PTPRD: variants seen among roughly 807,000 people sequenced by gnomAD.
PTPRD encodes protein tyrosine phosphatase receptor type D.
PTPRD carries 34 observed loss-of-function variants against 214.5 expected under a neutral mutation model. The observed-to-expected ratio is 0.16, with a 90% CI of 0.12 to 0.21. The LOEUF is 0.21. Among genes scored for constraint, PTPRD ranks in the 10% least tolerant of loss-of-function variants. The pLI is 1.00. For synonymous variants in PTPRD, 1,128 were observed against 845.7 expected, an observed-to-expected ratio of 1.33 and a Z score of -5.79; for missense variants, 2,545 against 2,398.7, an observed-to-expected ratio of 1.06 and a Z score of -1.27.
chr9:9,228,072 C>T (rs2099960685), intron 9 of PTPRD, among the ~76,000 whole-genome samples: 2 of 152,108 alleles, frequency 1.3e-5, no homozygotes, highest in African/African-American at 2.4e-5. Context: ...GCTGAAATTG[C>T]TGGGCACAGT....
chr9:9,493,220 C>T (rs2096001468), intron 8 of PTPRD, among the ~76,000 whole-genome samples: 1 of 151,936 alleles, frequency 6.6e-6, no homozygotes, highest in African/African-American at 2.4e-5. Context: ...AGGTACTCTG[C>T]CTGTGCTCTA....
intron 11 of PTPRD, among the ~76,000 whole-genome samples, chr9:8,809,223 T>C (rs1464742333): frequency 2.0e-5 from 3 of 152,196 alleles, no homozygotes; most frequent in Non-Finnish European, 4.4e-5. Context: ...TGTTTTGTAA[T>C]ATCTGTATAT....
At chr9:8,497,211 G>A (rs775855275) in intron 26 of PTPRD, 31 bp downstream of exon 26, 2 of 1,565,038 alleles carry the variant, frequency 1.3e-6, no homozygotes, top group South Asian at 2.4e-5. Context: ...TATATAGTCT[G>A]CTTTTGACAA....
intron 2 of PTPRD, among the ~76,000 whole-genome samples, chr9:10,485,564 G>C (rs967138721): frequency 2.0e-5 from 3 of 151,924 alleles, no homozygotes; most frequent in South Asian, 4.2e-4. Flanking sequence ...TTTCATTATA[G>C]GCATCTTTCA....
chr9:8,662,734 C>G (rs2097089640), intron 12 of PTPRD, among the ~76,000 whole-genome samples: 2 of 152,168 alleles, frequency 1.3e-5, no homozygotes, highest in Non-Finnish European at 2.9e-5. Context: ...CTGTAAGCAT[C>G]TGAATTTGTG....
chr9:9,406,847 C>CTT (rs35972215), intron 8 of PTPRD, among the ~76,000 whole-genome samples: 27,009 of 145,402 alleles, frequency 0.19, 2,525 homozygotes, highest in Middle Eastern at 0.25. Flanking sequence ...TTTCTTCTTT[C>CTT]TTTTTTTTTT....
At chr9:8,587,457 G>C (rs2093753280) in intron 14 of PTPRD, among the ~76,000 whole-genome samples, 1 of 152,048 alleles carries the variant, frequency 6.6e-6, no homozygotes, top group South Asian at 2.1e-4. Flanking sequence ...AATACATATT[G>C]GCTTCTGCCA....
chr9:9,446,951 A>C (rs961289672), intron 8 of PTPRD, among the ~76,000 whole-genome samples: 4 of 152,236 alleles, frequency 2.6e-5, no homozygotes, highest in Non-Finnish European at 4.4e-5. Flanking sequence ...AATGCAAATC[A>C]AAACCACAAT....
chr9:9,373,112 G>C (rs1177189201), intron 9 of PTPRD, among the ~76,000 whole-genome samples: 2 of 151,904 alleles, frequency 1.3e-5, no homozygotes, highest in African/African-American at 2.4e-5. Context: ...CCATCAAATT[G>C]TATTTTTGGA....
intron 10 of PTPRD, among the ~76,000 whole-genome samples, chr9:9,177,746 T>C (rs2099925783): frequency 6.6e-6 from 1 of 152,094 alleles, no homozygotes; most frequent in African/African-American, 2.4e-5. Flanking sequence ...AAAAATCAGC[T>C]TAAGAGGCCG....
At position 8,521,270 on chromosome 9, in the gene PTPRD, A is replaced by G; in HGVS notation, c.961+7T>C. 1 of 1,608,000 alleles carries G rather than the reference A, an allele frequency of 6.2e-7. No individual in the cohort carries two copies. Among genetic ancestry groups the G allele is most frequent in the Non-Finnish European group, 8.5e-7 (1 of 1,176,608 alleles). Reference sequence around the variant, plus strand: ...CAGATCCTCAAAGCATAATCCATTGAGCATACCTTTGACAGTGATCTGTGC... The same window carrying G: ...CAGATCCTCAAAGCATAATCCATTGGGCATACCTTTGACAGTGATCTGTGC... On this transcript the variant is annotated splice_region_variant and intron_variant, in intron 20 of 45. Transcript: ENST00000381196.
chr9:9,484,422 A>T (rs551101503), intron 8 of PTPRD, among the ~76,000 whole-genome samples: 40 of 152,292 alleles, frequency 2.6e-4, no homozygotes, highest in African/African-American at 8.9e-4. Flanking sequence ...AGAAGACAAC[A>T]TAACTTCCTG....
intron 7 of PTPRD, among the ~76,000 whole-genome samples, chr9:9,733,879 A>C (rs1596304690): frequency 6.6e-6 from 1 of 151,778 alleles, no homozygotes. Context: ...TTTCAATAAT[A>C]TTTGAAGAAA....
chr9:10,562,620 T>C (rs900776217), intron 2 of PTPRD, among the ~76,000 whole-genome samples: 2 of 152,144 alleles, frequency 1.3e-5, no homozygotes, highest in Admixed American at 1.3e-4. Context: ...AGAAAGTTAA[T>C]ACGTCATTAA....
At chr9:8,816,241 A>C (rs1388334476) in intron 11 of PTPRD, among the ~76,000 whole-genome samples, 3 of 152,240 alleles carry the variant, frequency 2.0e-5, no homozygotes, top group Admixed American at 2.0e-4. Context: ...AATGCACTTA[A>C]CAGAATATGA....
intron 2 of PTPRD, among the ~76,000 whole-genome samples, chr9:10,379,478 C>A (rs939966539): frequency 6.6e-6 from 1 of 151,784 alleles, no homozygotes; most frequent in African/African-American, 2.4e-5. Context: ...ATGGATAATT[C>A]CTGAGGTTCA....
intron 10 of PTPRD, among the ~76,000 whole-genome samples, chr9:9,121,643 G>T (rs2099817724): frequency 6.6e-6 from 1 of 152,034 alleles, no homozygotes; most frequent in Non-Finnish European, 1.5e-5. Flanking sequence ...AGCCTAAGAA[G>T]GATACAATGG....
intron 9 of PTPRD, among the ~76,000 whole-genome samples, chr9:9,200,904 T>G (rs2132285579): frequency 6.6e-6 from 1 of 152,342 alleles, no homozygotes; most frequent in Non-Finnish European, 1.5e-5. Context: ...GTAGAAATCC[T>G]TTCCTAATTC....
At chr9:8,502,415 G>C (rs552311952) in intron 23 of PTPRD, among the ~76,000 whole-genome samples, 1 of 152,140 alleles carries the variant, frequency 6.6e-6, no homozygotes, top group South Asian at 2.1e-4. Flanking sequence ...GTATCCAATT[G>C]TTCAGGGGAT....
Sources: gnomAD v4.1 joint callset for allele counts (sites outside exome capture counted in the v4.1 genomes callset) on GRCh38, gnomAD v4.1.1 for gene constraint, MANE v1.5 for transcripts, NCBI Gene and HGNC (gene_info 2026-07-23, HGNC 2026-07-21) for gene names.